Variants in IQCN observed in about 807,000 individuals in gnomAD.
The protein encoded by IQCN is IQ domain-containing protein N.
A neutral mutation model predicts 64.4 loss-of-function variants in IQCN; 46 were observed. The ratio of observed to expected loss-of-function variants is 0.71; its 90% CI spans 0.56 to 0.91. The LOEUF is 0.91. Ranked by LOEUF, IQCN falls within the 40% of genes least tolerant of loss-of-function variation. The probability of loss-of-function intolerance (pLI) is 0.00; values close to 1 mark genes in which losing one functional copy is unlikely to be tolerated. For missense variants in IQCN, 1,753 were observed against 1,857.4 expected (o/e 0.94, Z 1.03); for synonymous variants, 733 against 775.6 (o/e 0.95, Z 0.91).
intron 1 of IQCN, among the ~76,000 whole-genome samples, chr19:18,271,817 G>T (rs548323115): frequency 6.6e-6 from 1 of 152,112 alleles, no homozygotes; most frequent in Non-Finnish European, 1.5e-5. Flanking sequence ...ATTTATTTAT[G>T]ATTTTTGAGA....
chr19:18,260,627 A>G (rs1041464065), intron 3 of IQCN: 1 of 152,916 alleles, frequency 6.5e-6, no homozygotes, highest in African/African-American at 2.4e-5. Flanking sequence ...TACAGGATGA[A>G]TTTGTCTTGC....
In IQCN at chr19:18,266,573, G is replaced by A. The variant is rs1376617566; in HGVS notation, c.967C>T (p.Pro323Ser). ...QTQGPVKAET[P>S]KAPFQICPGP... ...GGACATATCTGGAAGGGGGCTTTGGGGGTCTCTGCTTTCACAGGGCCCTGG... is the reference window on the plus strand; with the variant it reads ...GGACATATCTGGAAGGGGGCTTTGGAGGTCTCTGCTTTCACAGGGCCCTGG... Residue 323 changes from proline (P) to serine (S), a missense_variant, in exon 3 of 4, where the codon CCC (proline) becomes TCC (serine). Transcript: ENST00000392413. The surrounding 1 kb of genome is among the most constrained non-coding windows in gnomAD (Gnocchi z 4.3). 6.2e-7 allele frequency: 1 copy of A among 1,613,514 alleles called. No homozygotes were observed. The highest frequency in any genetic ancestry group is 8.5e-7 in the Non-Finnish European group (1 of 1,179,624).
rs1305631730 is a variant in IQCN, at chr19:18,264,731, G to A, written c.2809C>T (p.Leu937=). The change falls in exon 3 of 4, where the codon CTG becomes TTG. Residue 937 remains leucine (L), a synonymous_variant. Transcript: ENST00000392413. This position sits in a 1 kb window ranked among gnomAD's most constrained non-coding sequence, Gnocchi z 4.3. ...TCACTCCAGGACAGCGCCTTCACCA[G>A]CGCCATGCTCAGCATGCTCTGGGGC... is the stretch of plus-strand genomic sequence containing the variant. ...ALPQSMLSMA[L]VKALSWSELR... 6 of 1,551,024 alleles carry A rather than the reference G, an allele frequency of 3.9e-6. No homozygotes were observed. Among genetic ancestry groups the A allele is most frequent in the Non-Finnish European group, 5.2e-6 (6 of 1,146,974 alleles).
chr19:18,260,584 C>G (rs3826969), intron 3 of IQCN: 1 of 152,734 alleles, frequency 6.5e-6, no homozygotes, highest in Non-Finnish European at 1.5e-5. Flanking sequence ...AGGCTGGGGG[C>G]TATAGCTGGC....
At chr19:18,269,053 C>A (rs1969674790) in intron 2 of IQCN, among the ~76,000 whole-genome samples, 1 of 151,860 alleles carries the variant, frequency 6.6e-6, no homozygotes, top group African/African-American at 2.4e-5. Flanking sequence ...TTGCTTGAAC[C>A]CGGGAGGAGG....
chr19:18,261,885 G>T (rs1478261160), intron 3 of IQCN: 4 of 153,910 alleles, frequency 2.6e-5, no homozygotes, highest in African/African-American at 9.7e-5. Flanking sequence ...GCCTGAGCTT[G>T]GGGACATCTC....
chr19:18,258,833 CG>C, intron 3 of IQCN: 1 of 200,268 alleles, frequency 5.0e-6, no homozygotes, highest in Non-Finnish European at 1.0e-5. Context: ...TGGCTAAACC[CG>C]GGGCCTGGAA....
At position 18,257,945 on chromosome 19, in the gene IQCN, G is replaced by A. The variant is rs768001400; in HGVS notation, c.3339C>T (p.Arg1113=). 1 of 1,612,904 alleles carries A rather than the reference G, an allele frequency of 6.2e-7. No individual in the cohort carries two copies. Among genetic ancestry groups the A allele is most frequent in the Non-Finnish European group, 8.5e-7 (1 of 1,179,960 alleles). The change falls in exon 4 of 4, where the codon CGC becomes CGT. Residue 1113 remains arginine (R), a synonymous_variant. Transcript: ENST00000392413. The part of the protein sequence containing the change: ...MVSMQAAEEI[R]ILAVITIQAG... ...CCTGGATAGTGATCACTGCGAGGAT[G>A]CGGATCTCCTCTGCAGCCTGCATGG...
rs1161248156 is a variant in IQCN, at chr19:18,266,416, A to G, written c.1124T>C (p.Ile375Thr). The G allele has an allele frequency of 1.9e-6, 3 of 1,588,264 alleles. No individual in the cohort carries two copies. Among genetic ancestry groups the G allele is most frequent in the Non-Finnish European group, 2.6e-6 (3 of 1,167,886 alleles). The change falls in exon 3 of 4, where the codon ATC (isoleucine) becomes ACC (threonine). Residue 375 changes from isoleucine to threonine, a missense_variant. Transcript: ENST00000392413. The surrounding 1 kb of genome is among the most constrained non-coding windows in gnomAD (Gnocchi z 4.3). ...KTSPVPKVTI[I>T]KTPAQMYPGP... is the part of the protein sequence containing the mutation. The stretch of plus-strand genomic sequence containing the variant: ...CGGATACATCTGGGCTGGGGTCTTG[A>G]TTATTGTTACTTTGGGAACTGGGCT...
intron 1 of IQCN, among the ~76,000 whole-genome samples, chr19:18,270,029 A>G (rs747862863): frequency 5.2e-4 from 75 of 144,938 alleles, no homozygotes; most frequent in Non-Finnish European, 5.7e-4. Context: ...CCAGCCTGGG[A>G]AACTAAGCAA....
At chr19:18,262,633 C>T (rs1239657494) in intron 3 of IQCN, 1 of 152,326 alleles carries the variant, frequency 6.6e-6, no homozygotes, top group Non-Finnish European at 1.5e-5. Context: ...CTTGGTGTCA[C>T]TCTATTAGGC....
In IQCN at chr19:18,265,341, C is replaced by T. The variant is rs945479797; in HGVS notation, c.2199G>A (p.Ala733=). The T allele has an allele frequency of 5.0e-6, 8 of 1,613,992 alleles. No individual in the cohort carries two copies. The highest frequency in any genetic ancestry group is 5.1e-6 in the Non-Finnish European group (6 of 1,180,036). Residue 733 remains alanine, a synonymous_variant, in exon 3 of 4, where the codon GCG becomes GCA. Transcript: ENST00000392413. The surrounding 1 kb of genome is among the most constrained non-coding windows in gnomAD (Gnocchi z 4.7). The stretch of plus-strand genomic sequence containing the variant: ...TCTTGGTCAGACAGGTGGCTAGAGG[C>T]GCTTGGGACTGGACCTTCACGGCAC... ...ATGAVKVQSQ[A]PLATCLTKTQ... is the part of the protein sequence containing the mutation.
chr19:18,269,350 G>T (rs1600135395), intron 2 of IQCN, 116 bp downstream of exon 2: 10 of 995,826 alleles, frequency 1.0e-5, no homozygotes, highest in African/African-American at 6.5e-5. Flanking sequence ...AGAGAGAGCT[G>T]GGACACTGTC....
rs925660360 is a variant in IQCN, at chr19:18,264,769, A to T, written c.2771T>A (p.Val924Asp). 6.4e-7 allele frequency: 1 copy of T among 1,551,166 alleles called. No individual in the cohort carries two copies. Among genetic ancestry groups the T allele is most frequent in the Non-Finnish European group, 8.7e-7 (1 of 1,146,980 alleles). Reference sequence around the variant, plus strand: ...CATGCTCTGGGGCAGGGCTTTGGTGACAGTGGCACCCAGGACCTCCTTGGA... The same window carrying T: ...CATGCTCTGGGGCAGGGCTTTGGTGTCAGTGGCACCCAGGACCTCCTTGGA... ...ALSKEVLGATVTKALPQSMLS... is the reference protein window; with the variant it reads ...ALSKEVLGATDTKALPQSMLS... The change falls in exon 3 of 4, where the codon GTC becomes GAC. Residue 924 changes from valine (V) to aspartate (D), a missense_variant. Transcript: ENST00000392413. This position sits in a 1 kb window ranked among gnomAD's most constrained non-coding sequence, Gnocchi z 4.3.
In IQCN at chr19:18,264,716, ACAGCGCCTTCAC is replaced by A. The variant is rs1568278135; in HGVS notation, c.2812_2823del (p.Val938_Leu941del). Reference sequence around the variant, plus strand: ...AGGGTCAGGCGCAGCTCACTCCAGGACAGCGCCTTCACCAGCGCCATGCTCAGCATGCTCTGG... The same window carrying A: ...AGGGTCAGGCGCAGCTCACTCCAGGACAGCGCCATGCTCAGCATGCTCTGG... On this transcript the variant is annotated inframe_deletion, in exon 3 of 4. Coordinates refer to ENST00000392413, the MANE Select transcript of IQCN (RefSeq NM_001145304.2). The surrounding 1 kb of genome is among the most constrained non-coding windows in gnomAD (Gnocchi z 4.3). 1.3e-6 allele frequency: 2 copies of A among 1,551,160 alleles called. No homozygotes were observed. Among genetic ancestry groups the A allele is most frequent in the East Asian group, 4.9e-5 (2 of 40,914 alleles).
intron 1 of IQCN, among the ~76,000 whole-genome samples, chr19:18,270,846 A>G (rs111408462): frequency 0.037 from 5,569 of 150,154 alleles, 346 homozygotes; most frequent in African/African-American, 0.13. Context: ...AAAAAAAAAA[A>G]AGATTGTGAT....
rs1414785134 is a variant in IQCN at position 18,265,514 on chromosome 19, G to A, written c.2026C>T (p.Pro676Ser). 2 of 1,612,654 alleles carry A rather than the reference G, an allele frequency of 1.2e-6. No homozygotes were observed. The highest frequency in any genetic ancestry group is 2.7e-5 in the African/African-American group (2 of 74,898). Residue 676 changes from proline to serine, a missense_variant, in exon 3 of 4, where the codon CCC becomes TCC. Coordinates refer to ENST00000392413, the MANE Select transcript of IQCN (RefSeq NM_001145304.2). The surrounding 1 kb of genome is among the most constrained non-coding windows in gnomAD (Gnocchi z 4.7). ...GCCAGTGGTCTCTGGGACAGGCAGG[G>A]TGGATGTCTCTGGGATGAGGCATTG... ...LTNASSQRHP[P>S]CLSQRPLAAP... is the part of the protein sequence containing the mutation.
rs549496774 is a variant in IQCN at position 18,264,039 on chromosome 19, G to A, written c.3177+324C>T. Among the ~76,000 whole-genome samples the A allele has an allele frequency of 6.6e-6, 1 of 152,236 alleles. No homozygotes were observed. The highest frequency in any genetic ancestry group is 1.9e-4 in the East Asian group (1 of 5,178). ...ACTGGGGCCCTCCCCACTCCCCTCG[G>A]GGTTAAAATCTGATGCCAATGTGCC... On this transcript the variant is annotated intron_variant, in intron 3 of 3. Transcript: ENST00000392413. This position sits in a 1 kb window ranked among gnomAD's most constrained non-coding sequence, Gnocchi z 4.3.
chr19:18,268,192 GTGT>G (rs1298700499), intron 2 of IQCN, among the ~76,000 whole-genome samples: 5 of 150,394 alleles, frequency 3.3e-5, no homozygotes, highest in Non-Finnish European at 5.9e-5. Flanking sequence ...GTGTGTGTGT[GTGT>G]GTGTGTGTGT....
Sources: allele counts gnomAD v4.1 joint callset (sites outside exome capture counted in the v4.1 genomes callset), GRCh38; gene constraint gnomAD v4.1.1; non-coding constraint Gnocchi (gnomAD v3.1); transcripts MANE v1.5; gene names NCBI Gene and HGNC (gene_info 2026-07-23, HGNC 2026-07-21).